The following ST8SIA2 variants were observed in gnomAD, a reference collection of about 807,000 sequenced individuals.
ST8SIA2 encodes ST8 alpha-N-acetyl-neuraminide alpha-2,8-sialyltransferase 2, also known as alpha-2,8-sialyltransferase 8B.
A neutral mutation model predicts 37.6 loss-of-function variants in ST8SIA2; 22 were observed. The observed-to-expected ratio is 0.58, with a 90% CI of 0.42 to 0.83. ST8SIA2 has a LOEUF of 0.83. ST8SIA2 is among the 40% of genes least tolerant of loss of function. The pLI is 0.00. For missense variants in ST8SIA2, 382 were observed against 484.7 expected, an observed-to-expected ratio of 0.79 and a Z score of 1.99; for synonymous variants, 205 against 201.2, an observed-to-expected ratio of 1.02 and a Z score of -0.16.
At chr15:92,442,882 C>A (rs1402378166) in intron 4 of ST8SIA2, among the ~76,000 whole-genome samples, 1 of 152,120 alleles carries the variant, frequency 6.6e-6, no homozygotes, top group African/African-American at 2.4e-5. Context: ...GATCTTGACT[C>A]CTGGTGGTTC....
At chr15:92,449,688 G>A (rs1209184011) in intron 5 of ST8SIA2, among the ~76,000 whole-genome samples, 1 of 152,118 alleles carries the variant, frequency 6.6e-6, no homozygotes, top group Non-Finnish European at 1.5e-5. Flanking sequence ...TTTAATAATA[G>A]CCATTCTGAC....
chr15:92,451,744 A>G (rs1425166973), intron 5 of ST8SIA2, among the ~76,000 whole-genome samples: 2 of 152,162 alleles, frequency 1.3e-5, no homozygotes, highest in Non-Finnish European at 2.9e-5. Flanking sequence ...ATCTCATGTC[A>G]TGAGAGGACT....
intron 1 of ST8SIA2, among the ~76,000 whole-genome samples, chr15:92,404,153 T>TA (rs765149746): frequency 6.6e-6 from 1 of 152,218 alleles, no homozygotes; most frequent in East Asian, 1.9e-4. Context: ...CCTGGGGCCT[T>TA]ACGTTTATCT....
intron 5 of ST8SIA2, among the ~76,000 whole-genome samples, chr15:92,461,558 G>A (rs561002034): frequency 6.6e-6 from 1 of 152,356 alleles, no homozygotes; most frequent in Admixed American, 6.5e-5. Flanking sequence ...GCACAGCTCA[G>A]AGATGGGCAA....
At chr15:92,426,490 T>A (rs1227476271) in intron 1 of ST8SIA2, among the ~76,000 whole-genome samples, 2 of 152,094 alleles carry the variant, frequency 1.3e-5, no homozygotes, top group Admixed American at 6.6e-5. Context: ...AGAACTGGCA[T>A]GGAAAAGTGC....
intron 5 of ST8SIA2, among the ~76,000 whole-genome samples, chr15:92,455,011 G>T (rs1260782256): frequency 6.6e-6 from 1 of 152,148 alleles, no homozygotes; most frequent in African/African-American, 2.4e-5. Flanking sequence ...GGATGGCACT[G>T]ATTCAGCTTG....
Position 92,464,053 on chromosome 15 carries a change from A to G in ST8SIA2, c.843-47A>G, listed in dbSNP as rs1292419631. On this transcript the variant is annotated intron_variant, in intron 5 of 5. Coordinates refer to ENST00000268164, the MANE Select transcript of ST8SIA2 (RefSeq NM_006011.4). ...TTTGTCTTCCTGGAAAGGATGACTC[A>G]CAGACCCATGTTTCTTTTCTTTTTT... is the stretch of plus-strand genomic sequence containing the variant. The G allele has an allele frequency of 2.6e-6, 4 of 1,517,250 alleles. No individual in the cohort carries two copies. The African/African-American group carries it at 4.3e-5, about 16-fold the overall frequency. The allele number at this position is 1,517,250 out of a possible 1,614,324, so 94.0% of individuals were successfully genotyped here.
In ST8SIA2 at chr15:92,429,908, T is replaced by G. The variant is rs1035017955; in HGVS notation, c.99-141T>G. The G allele has an allele frequency of 1.8e-5, 16 of 879,344 alleles. No homozygotes were observed. The African/African-American group carries it at 2.3e-4, about 13-fold the overall frequency. 54.5% of individuals were successfully genotyped at this position (879,344 alleles called of 1,614,324 possible). A position where few individuals can be genotyped will look rare whatever the true frequency, so the allele number is the denominator to read the frequency against. On this transcript the variant is annotated intron_variant, in intron 1 of 5. Coordinates refer to ENST00000268164, the MANE Select transcript of ST8SIA2 (RefSeq NM_006011.4). The stretch of plus-strand genomic sequence containing the variant: ...TGGGCTGTGTCTGGGGCCAGGACTT[T>G]GCCCATTCTGCAGAGTCCAGAATGA...
intron 1 of ST8SIA2, among the ~76,000 whole-genome samples, chr15:92,406,756 G>A (rs1357155357): frequency 3.3e-5 from 5 of 152,136 alleles, no homozygotes; most frequent in Non-Finnish European, 5.9e-5. Flanking sequence ...AGCACTTTGG[G>A]AGGCAGAGGT....
Position 92,434,321 on chromosome 15 carries a change from T to C in ST8SIA2, c.236T>C (p.Ile79Thr), listed in dbSNP as rs1596241100. 1 of 1,614,006 alleles carries C rather than the reference T, an allele frequency of 6.2e-7. No homozygotes were observed. The highest frequency in any genetic ancestry group is 1.7e-5 in the Admixed American group (1 of 60,004). The part of the protein sequence containing the change: ...DRSNESIKHN[I>T]QPASSKWRHN... ...AGTAATGAAAGCATCAAGCACAACA[T>C]CCAGCCAGCCTCGTCCAAATGGAGA... The change falls in exon 3 of 6, where the codon ATC becomes ACC. Residue 79 changes from isoleucine to threonine, a missense_variant. Coordinates refer to ENST00000268164, the MANE Select transcript of ST8SIA2 (RefSeq NM_006011.4).
chr15:92,456,263 C>CA (rs1408969795), intron 5 of ST8SIA2, among the ~76,000 whole-genome samples: 25 of 152,356 alleles, frequency 1.6e-4, no homozygotes, highest in African/African-American at 6.0e-4. Context: ...CTGCCTTTCC[C>CA]ATGTGCAGTC....
chr15:92,404,040 C>A (rs1159054692), intron 1 of ST8SIA2, among the ~76,000 whole-genome samples: 1 of 152,208 alleles, frequency 6.6e-6, no homozygotes, highest in Non-Finnish European at 1.5e-5. Flanking sequence ...ACAGGCCCTT[C>A]CCCAACCTGC....
At chr15:92,458,245 A>G (rs968086549) in intron 5 of ST8SIA2, among the ~76,000 whole-genome samples, 11 of 152,190 alleles carry the variant, frequency 7.2e-5, no homozygotes, top group African/African-American at 2.4e-4. Flanking sequence ...TTAGGCTGAC[A>G]TCTTCTGACC....
intron 5 of ST8SIA2, among the ~76,000 whole-genome samples, chr15:92,448,959 T>G (rs1248247672): frequency 1.3e-5 from 2 of 152,190 alleles, no homozygotes; most frequent in South Asian, 2.1e-4. Flanking sequence ...GTGAATGAAC[T>G]TTTATTGTGA....
intron 4 of ST8SIA2, among the ~76,000 whole-genome samples, chr15:92,439,022 T>G (rs2049781253): frequency 6.6e-6 from 1 of 152,178 alleles, no homozygotes; most frequent in Non-Finnish European, 1.5e-5. Context: ...GTGGAGTCAC[T>G]GGGCACGGTT....
rs865979528 is a variant in ST8SIA2, at chr15:92,466,400, C to G, written c.*2015C>G. On this transcript the variant is annotated 3_prime_UTR_variant, in exon 6 of 6. Coordinates refer to ENST00000268164, the MANE Select transcript of ST8SIA2 (RefSeq NM_006011.4). ...TTAATTTCTAAAGCTTGAAGTGCCC[C>G]GAGGAGCAGGTAGAATTTCCAGCAG... is the stretch of plus-strand genomic sequence containing the variant. The G allele has an allele frequency of 6.6e-6, 1 of 152,004 alleles. No individual in the cohort carries two copies. The highest frequency in any genetic ancestry group is 2.4e-5 in the African/African-American group (1 of 41,370). The allele number at this position is 152,004 out of a possible 1,614,324, so 9.4% of individuals were successfully genotyped here.
At position 92,444,777 on chromosome 15, in the gene ST8SIA2, G is replaced by C. The variant is rs771376179; in HGVS notation, c.690G>C (p.Leu230=). The C allele has an allele frequency of 2.8e-5, 45 of 1,613,968 alleles. No homozygotes were observed. The highest frequency in any genetic ancestry group is 1.3e-4 in the Admixed American group (8 of 60,008). The change falls in exon 5 of 6, where the codon CTG becomes CTC. Residue 230 remains leucine (L), a synonymous_variant. Coordinates refer to ENST00000268164, the MANE Select transcript of ST8SIA2 (RefSeq NM_006011.4). ...GGCGGGAGAAGCTGCTGCAACGGCT[G>C]CACAGCCTCAATGGCAGCATCCTGT... is the stretch of plus-strand genomic sequence containing the variant. ...ATWREKLLQR[L]HSLNGSILWI...
Position 92,438,629 on chromosome 15 carries a change from C to A in ST8SIA2, c.548+19C>A. On this transcript the variant is annotated intron_variant, in intron 4 of 5. Transcript: ENST00000268164. The stretch of plus-strand genomic sequence containing the variant: ...TCATCAGGTAACATGCCCCAGCAGG[C>A]ACTCTGGGGCCAGAGCGGCGGGCAG... 6.3e-6 allele frequency: 10 copies of A among 1,591,926 alleles called. No homozygotes were observed. The highest frequency in any genetic ancestry group is 8.6e-6 in the Non-Finnish European group (10 of 1,169,104).
chr15:92,444,357 T>C (rs144764261), intron 4 of ST8SIA2, among the ~76,000 whole-genome samples: 66 of 152,334 alleles, frequency 4.3e-4, no homozygotes, highest in African/African-American at 1.5e-3. Flanking sequence ...GCTTACTTGC[T>C]TCTTTCCTCC....
Sources: allele counts gnomAD v4.1 joint callset (sites outside exome capture counted in the v4.1 genomes callset), GRCh38; gene constraint gnomAD v4.1.1; transcripts MANE v1.5; gene names NCBI Gene and HGNC (gene_info 2026-07-23, HGNC 2026-07-21).